ZFPM2: variants seen among roughly 807,000 people sequenced by gnomAD.
The protein encoded by ZFPM2 is zinc finger protein ZFPM2.
In ZFPM2, 20 loss-of-function variants were observed where a neutral mutation model predicts 98.6. The ratio of observed to expected loss-of-function variants is 0.20; its 90% confidence interval spans 0.14 to 0.29. The LOEUF (loss-of-function observed/expected upper bound fraction) is 0.29, where lower values mean the gene tolerates loss of function less well. Among genes scored for constraint, ZFPM2 ranks in the 10% least tolerant of loss-of-function variants. ZFPM2 has a pLI of 1.00. For missense variants in ZFPM2, 1,310 were observed against 1,388.6 expected, an observed-to-expected ratio of 0.94 and a Z score of 0.90; for synonymous variants, 518 against 502.7, an observed-to-expected ratio of 1.03 and a Z score of -0.41.
In ZFPM2 at chr8:105,494,221, AT is replaced by A. The variant is rs1326760164; in HGVS notation, c.301+49841del. 1.6e-4 allele frequency among the ~76,000 whole-genome samples: 21 copies of A among 129,908 alleles called. 1 individual carries two copies. The South Asian group carries it at 5.0e-3, about 31-fold the overall frequency. 85.2% of individuals were successfully genotyped at this position (129,908 alleles called of 152,430 possible). A position where few individuals can be genotyped will look rare whatever the true frequency, so the allele number is the denominator to read the frequency against. On this transcript the variant is annotated intron_variant, in intron 3 of 7. Coordinates refer to ENST00000407775, the MANE Select transcript of ZFPM2 (RefSeq NM_012082.4). Reference sequence around the variant, plus strand: ...TATATATATATATATATATATATATATATATAATCTCAAACTCAACATATCT... The same window carrying A: ...TATATATATATATATATATATATATAATATAATCTCAAACTCAACATATCT...
chr8:105,450,184 G>T (rs536455169), intron 3 of ZFPM2, among the ~76,000 whole-genome samples: 2 of 152,152 alleles, frequency 1.3e-5, no homozygotes, highest in Admixed American at 6.5e-5. Flanking sequence ...AGATGATCAG[G>T]CAAGTTCTGC....
chr8:105,699,478 A>G (rs1194308449), intron 5 of ZFPM2, among the ~76,000 whole-genome samples: 25 of 152,126 alleles, frequency 1.6e-4, no homozygotes, highest in Non-Finnish European at 1.5e-5. Context: ...GTATTTTTCT[A>G]AACATATAGT....
intron 2 of ZFPM2, among the ~76,000 whole-genome samples, chr8:105,422,454 T>TAAC (rs1326043654): frequency 1.3e-5 from 2 of 151,722 alleles, no homozygotes; most frequent in Non-Finnish European, 2.9e-5. Context: ...AAGAAAATAA[T>TAAC]AATAATAATA....
intron 3 of ZFPM2, among the ~76,000 whole-genome samples, chr8:105,477,292 C>T (rs1473047692): frequency 6.5e-5 from 9 of 138,250 alleles, no homozygotes; most frequent in African/African-American, 1.6e-4. Context: ...TCACCTAGGC[C>T]AGAGTGCAGT....
intron 3 of ZFPM2, among the ~76,000 whole-genome samples, chr8:105,477,968 A>G (rs1813043154): frequency 6.6e-6 from 1 of 152,154 alleles, no homozygotes; most frequent in African/African-American, 2.4e-5. Flanking sequence ...TCCTTTCTGC[A>G]CAGTGCAATT....
intron 7 of ZFPM2, among the ~76,000 whole-genome samples, chr8:105,799,375 TGATA>T (rs1813932533): frequency 6.6e-6 from 1 of 152,222 alleles, no homozygotes; most frequent in Non-Finnish European, 1.5e-5. Context: ...GCTACTCTAT[TGATA>T]GATCTAATTA....
At position 105,716,859 on chromosome 8, in the gene ZFPM2, A is replaced by G. The variant is rs188374156; in HGVS notation, c.533-71859A>G. ...TTAAGGCAGAAAATTCATCTCCACC[A>G]ATGCTGAGCCTCCTGTTACAATGGA... On this transcript the variant is annotated intron_variant, in intron 5 of 7. Coordinates refer to ENST00000407775, the MANE Select transcript of ZFPM2 (RefSeq NM_012082.4). 2.6e-5 allele frequency among the ~76,000 whole-genome samples: 4 copies of G among 152,068 alleles called. No individual in the cohort carries two copies. In the East Asian group the frequency reaches 5.8e-4, roughly 22 times the overall value.
chr8:105,362,004 C>T (rs775874433), intron 1 of ZFPM2, among the ~76,000 whole-genome samples: 1 of 152,042 alleles, frequency 6.6e-6, no homozygotes, highest in African/African-American at 2.4e-5. Flanking sequence ...ATGAAATCAC[C>T]TAACAGTGTA....
chr8:105,507,958 A>C (rs1456376395), intron 3 of ZFPM2, among the ~76,000 whole-genome samples: 1 of 152,148 alleles, frequency 6.6e-6, no homozygotes, highest in African/African-American at 2.4e-5. Flanking sequence ...GGTATAAATA[A>C]AATTTATTGG....
chr8:105,591,685 A>G (rs535567239), intron 4 of ZFPM2, among the ~76,000 whole-genome samples: 1 of 152,288 alleles, frequency 6.6e-6, no homozygotes, highest in African/African-American at 2.4e-5. Context: ...GCTGAGTAGA[A>G]ATGCAATTTA....
At chr8:105,363,591 C>G (rs1775138904) in intron 1 of ZFPM2, among the ~76,000 whole-genome samples, 1 of 152,024 alleles carries the variant, frequency 6.6e-6, no homozygotes, top group Non-Finnish European at 1.5e-5. Flanking sequence ...TCTTAGATTC[C>G]AACTCAGCTC....
chr8:105,377,358 C>T (rs767360942), intron 1 of ZFPM2, among the ~76,000 whole-genome samples: 2 of 151,850 alleles, frequency 1.3e-5, no homozygotes, highest in African/African-American at 2.4e-5. Context: ...TGCTTACTAT[C>T]GCCTCCCTCT....
chr8:105,455,680 G>A (rs1812574961), intron 3 of ZFPM2, among the ~76,000 whole-genome samples: 1 of 152,148 alleles, frequency 6.6e-6, no homozygotes, highest in South Asian at 2.1e-4. Flanking sequence ...GATCACAGTG[G>A]CTTGTAGAGA....
At chr8:105,489,466 A>ATATATATATATATATATATTT (rs1554610604) in intron 3 of ZFPM2, among the ~76,000 whole-genome samples, 10 of 119,772 alleles carry the variant, frequency 8.3e-5, no homozygotes, top group African/African-American at 3.6e-4. Flanking sequence ...ATATATATAT[A>ATATATATATATATATATATTT]TTTTTTTTTT....
chr8:105,334,382 G>T (rs1170798441), intron 1 of ZFPM2, among the ~76,000 whole-genome samples: 1 of 151,512 alleles, frequency 6.6e-6, no homozygotes, highest in Non-Finnish European at 1.5e-5. Flanking sequence ...TGTTTCTATA[G>T]TTATCATTCA....
intron 3 of ZFPM2, 78 bp from the exon 4 acceptor site, chr8:105,561,285 A>C (rs186508354): frequency 1.8e-6 from 2 of 1,084,950 alleles, no homozygotes; most frequent in East Asian, 2.5e-5. Context: ...CATGTGTGTA[A>C]AGCAAACACA....
At chr8:105,750,447 G>C (rs1251023096) in intron 5 of ZFPM2, among the ~76,000 whole-genome samples, 1 of 151,990 alleles carries the variant, frequency 6.6e-6, no homozygotes, top group African/African-American at 2.4e-5. Flanking sequence ...TAATTAGTAG[G>C]TGAAATTGGG....
At chr8:105,601,145 C>T (rs1361412831) in intron 4 of ZFPM2, among the ~76,000 whole-genome samples, 1 of 152,076 alleles carries the variant, frequency 6.6e-6, no homozygotes, top group Admixed American at 6.6e-5. Flanking sequence ...CGTTTTTCTC[C>T]ATCACCACCT....
chr8:105,761,214 C>T (rs1436516516), intron 5 of ZFPM2, among the ~76,000 whole-genome samples: 3 of 149,090 alleles, frequency 2.0e-5, no homozygotes, highest in South Asian at 4.3e-4. Flanking sequence ...GGACCAGTGT[C>T]GCAGGACAGT....
Sources: allele counts gnomAD v4.1 joint callset (sites outside exome capture counted in the v4.1 genomes callset), GRCh38; gene constraint gnomAD v4.1.1; transcripts MANE v1.5; gene names NCBI Gene and HGNC (gene_info 2026-07-23, HGNC 2026-07-21).